The following SH2D3C variants were observed in gnomAD, a reference collection of about 807,000 sequenced individuals.
The protein encoded by SH2D3C is SH2 domain containing 3C, also known as SH2 domain-containing protein 3C.
In SH2D3C, 25 loss-of-function variants were observed where a neutral mutation model predicts 75.2. The observed-to-expected ratio is 0.33, with a 90% CI of 0.24 to 0.46. The LOEUF is 0.46. SH2D3C is among the 20% of genes least tolerant of loss of function. SH2D3C has a pLI of 1.00. For synonymous variants in SH2D3C, 450 were observed against 473.7 expected (o/e 0.95, Z 0.65); for missense variants, 933 against 1,165.3 (o/e 0.80, Z 2.90).
chr9:127,768,482 C>T (rs1236595145), intron 2 of SH2D3C, among the ~76,000 whole-genome samples: 1 of 151,966 alleles, frequency 6.6e-6, no homozygotes. Flanking sequence ...CACTAAAAAG[C>T]GACACAGAAC....
intron 2 of SH2D3C, among the ~76,000 whole-genome samples, chr9:127,765,826 A>G (rs1306712688): frequency 6.6e-6 from 1 of 152,136 alleles, no homozygotes; most frequent in Admixed American, 6.5e-5. Context: ...ACAAACCTAA[A>G]AGAGACTTCT....
chr9:127,770,846 G>T (rs1845719267), intron 2 of SH2D3C, among the ~76,000 whole-genome samples: 1 of 152,176 alleles, frequency 6.6e-6, no homozygotes, highest in African/African-American at 2.4e-5. Flanking sequence ...TGCTGGAGAG[G>T]AATGTGCTGC....
chr9:127,764,498 G>A (rs956819536), intron 2 of SH2D3C, among the ~76,000 whole-genome samples: 2 of 152,066 alleles, frequency 1.3e-5, no homozygotes, highest in Non-Finnish European at 2.9e-5. Flanking sequence ...ACCCACTTGC[G>A]TGGCCCCCCA....
intron 2 of SH2D3C, among the ~76,000 whole-genome samples, chr9:127,769,275 AC>A (rs1845689497): frequency 6.6e-6 from 1 of 152,214 alleles, no homozygotes; most frequent in Non-Finnish European, 1.5e-5. Flanking sequence ...TATTAGCCTC[AC>A]AAAAATCTCA....
Position 127,738,527 on chromosome 9 carries a change from G to C in SH2D3C, c.*219C>G. ...AGCAGCAAAAGCTGGTGGGGGAACCGGCGTTCCTGTTCTTCCTCAATGGAG... is the reference window on the plus strand; with the variant it reads ...AGCAGCAAAAGCTGGTGGGGGAACCCGCGTTCCTGTTCTTCCTCAATGGAG... On this transcript the variant is annotated 3_prime_UTR_variant, in exon 12 of 12. Transcript: ENST00000314830. The surrounding 1 kb of genome is among the most constrained non-coding windows in gnomAD (Gnocchi z 5.0). 1 of 405,064 alleles carries C rather than the reference G, an allele frequency of 2.5e-6. No individual in the cohort carries two copies. The allele number at this position is 405,064 out of a possible 1,614,324, so 25.1% of individuals were successfully genotyped here. A position where few individuals can be genotyped will look rare whatever the true frequency, so the allele number is the denominator to read the frequency against.
chr9:127,741,838 C>G lies in SH2D3C; in HGVS notation c.2038G>C (p.Gly680Arg). The G allele has an allele frequency of 6.2e-7, 1 of 1,613,420 alleles. No homozygotes were observed. ...ACCGCCGCGAAGCTGAACATGTTGC[C>G]CATAGTCCCCCGCAGCTCGGCCGCC... ...QLAAELRGTM[G>R]NMFSFAAVMG... Residue 680 changes from glycine (G) to arginine (R), a missense_variant, in exon 9 of 12, where the codon GGC becomes CGC. Transcript: ENST00000314830.
chr9:127,764,483 C>T (rs1845595374), intron 2 of SH2D3C, among the ~76,000 whole-genome samples: 2 of 152,206 alleles, frequency 1.3e-5, no homozygotes, highest in Admixed American at 1.3e-4. Context: ...CTTTCCTCTG[C>T]TCCAACCCAC....
chr9:127,749,141 T>C lies in SH2D3C; in HGVS notation c.1139+70A>G. ...TAATTTCATCCCATTTCAGTGTACC[T>C]AGGCCTTCTCTTTCTCACTAGCCCT... On this transcript the variant is annotated intron_variant, in intron 5 of 11. Transcript: ENST00000314830. This position sits in a 1 kb window ranked among gnomAD's most constrained non-coding sequence, Gnocchi z 5.9. The C allele has an allele frequency of 8.9e-7, 1 of 1,127,918 alleles. No homozygotes were observed. The highest frequency in any genetic ancestry group is 1.3e-6 in the Non-Finnish European group (1 of 789,610). 69.9% of individuals were successfully genotyped at this position (1,127,918 alleles called of 1,614,324 possible).
intron 2 of SH2D3C, among the ~76,000 whole-genome samples, chr9:127,770,089 A>T (rs1347477751): frequency 6.6e-6 from 1 of 151,986 alleles, no homozygotes; most frequent in African/African-American, 2.4e-5. Context: ...CCTCTCTGGG[A>T]CCTGCAGAAG....
At chr9:127,740,747 C>T (rs980815176) in intron 9 of SH2D3C, among the ~76,000 whole-genome samples, 1 of 152,232 alleles carries the variant, frequency 6.6e-6, no homozygotes, top group East Asian at 1.9e-4. Context: ...GTGGCGCAAT[C>T]TCGGCTCACT....
Position 127,739,032 on chromosome 9 carries a change from C to T in SH2D3C, c.2408-111G>A. On this transcript the variant is annotated intron_variant, in intron 11 of 11. Transcript: ENST00000314830. The surrounding 1 kb of genome is among the most constrained non-coding windows in gnomAD (Gnocchi z 4.3). ...CCTCCCCTCAACTCCGCCAGGGATC[C>T]AACAAGGTTTGTGAATCAACACGAC... 1 of 977,932 alleles carries T rather than the reference C, an allele frequency of 1.0e-6. No homozygotes were observed. The allele number at this position is 977,932 out of a possible 1,614,324, so 60.6% of individuals were successfully genotyped here.
At chr9:127,750,297 G>A (rs1486490887) in intron 4 of SH2D3C, among the ~76,000 whole-genome samples, 2 of 152,026 alleles carry the variant, frequency 1.3e-5, no homozygotes, top group Admixed American at 6.6e-5. Flanking sequence ...TGGCATTACA[G>A]GTGCATGCCA....
At position 127,751,158 on chromosome 9, in the gene SH2D3C, C is replaced by A; in HGVS notation, c.684+14G>T. 6.2e-7 allele frequency: 1 copy of A among 1,612,776 alleles called. No homozygotes were observed. Among genetic ancestry groups the A allele is most frequent in the South Asian group, 1.1e-5 (1 of 91,012 alleles). On this transcript the variant is annotated intron_variant, in intron 4 of 11. Coordinates refer to ENST00000314830, the MANE Select transcript of SH2D3C (RefSeq NM_170600.3). The surrounding 1 kb of genome is among the most constrained non-coding windows in gnomAD (Gnocchi z 4.1). ...GAGGGTCCCGGGTTGAAGTCCAGCTCGGGGCCTACTCACCTCTCGGGGGAT... is the reference window on the plus strand; with the variant it reads ...GAGGGTCCCGGGTTGAAGTCCAGCTAGGGGCCTACTCACCTCTCGGGGGAT...
chr9:127,769,525 G>T (rs1305808953), intron 2 of SH2D3C, among the ~76,000 whole-genome samples: 1 of 151,672 alleles, frequency 6.6e-6, no homozygotes. Flanking sequence ...GCGTGGTGGC[G>T]CATGCCTGTA....
chr9:127,751,789 AT>A lies in SH2D3C; in HGVS notation c.556-490del, dbSNP rs1845210816. On this transcript the variant is annotated intron_variant, in intron 3 of 11. Coordinates refer to ENST00000314830, the MANE Select transcript of SH2D3C (RefSeq NM_170600.3). The surrounding 1 kb of genome is among the most constrained non-coding windows in gnomAD (Gnocchi z 4.1). Reference sequence around the variant, plus strand: ...ACTGTTCTTGAAGTGTTGGAGGGGGATTTCTACAGGTGAATCTTGGAGGTAA... The same window carrying A: ...ACTGTTCTTGAAGTGTTGGAGGGGGATTCTACAGGTGAATCTTGGAGGTAA... 6.6e-6 allele frequency among the ~76,000 whole-genome samples: 1 copy of A among 152,164 alleles called. No individual in the cohort carries two copies. The highest frequency in any genetic ancestry group is 2.4e-5 in the African/African-American group (1 of 41,426).
intron 2 of SH2D3C, among the ~76,000 whole-genome samples, chr9:127,769,264 T>C (rs1291910013): frequency 6.6e-6 from 1 of 152,112 alleles, no homozygotes; most frequent in African/African-American, 2.4e-5. Context: ...CTCAAGCAAG[T>C]TATTAGCCTC....
Position 127,758,263 on chromosome 9 carries a change from G to A in SH2D3C, c.555+3348C>T, listed in dbSNP as rs148569697. On this transcript the variant is annotated intron_variant, in intron 3 of 11. Transcript: ENST00000314830. ...GCTGGGATTACAGGCATGAGCCACC[G>A]TGCCCAGAACCTCATCTGAGTCTTG... Among the ~76,000 whole-genome samples the A allele has an allele frequency of 1.7e-4, 26 of 152,116 alleles. No individual in the cohort carries two copies. In the South Asian group the frequency reaches 4.6e-3, roughly 27 times the overall value.
Position 127,774,529 on chromosome 9 carries a change from G to T in SH2D3C, c.38-62C>A. The stretch of plus-strand genomic sequence containing the variant: ...CAATGTCAACATCAGTGATAATAAT[G>T]AACAATTCCTGCAGTTTCACTCGGT... On this transcript the variant is annotated intron_variant, in intron 1 of 11. Transcript: ENST00000314830. This position sits in a 1 kb window ranked among gnomAD's most constrained non-coding sequence, Gnocchi z 4.3. 1.1e-6 allele frequency: 1 copy of T among 881,980 alleles called. No homozygotes were observed. The highest frequency in any genetic ancestry group is 1.9e-6 in the Non-Finnish European group (1 of 535,504). 54.6% of individuals were successfully genotyped at this position (881,980 alleles called of 1,614,324 possible).
intron 2 of SH2D3C, among the ~76,000 whole-genome samples, chr9:127,772,126 CAG>C (rs1342814254): frequency 6.6e-6 from 1 of 151,898 alleles, no homozygotes; most frequent in Non-Finnish European, 1.5e-5. Flanking sequence ...AGCTCAGAGA[CAG>C]AGGCTGTGCT....
Sources: gnomAD v4.1 joint callset for allele counts (sites outside exome capture counted in the v4.1 genomes callset) on GRCh38, gnomAD v4.1.1 for gene constraint, Gnocchi (gnomAD v3.1) non-coding constraint, MANE v1.5 for transcripts, NCBI Gene and HGNC (gene_info 2026-07-23, HGNC 2026-07-21) for gene names.